The following FARSA variants were observed in gnomAD, a reference collection of about 807,000 sequenced individuals.
FARSA encodes the protein phenylalanine--tRNA ligase alpha subunit.
In FARSA, 37 loss-of-function variants were observed where a neutral mutation model predicts 63.2. The ratio of observed to expected loss-of-function variants is 0.59; its 90% CI spans 0.45 to 0.77. The LOEUF (loss-of-function observed/expected upper bound fraction) is 0.77, where lower values mean the gene tolerates loss of function less well. Among genes scored for constraint, FARSA ranks in the 30% least tolerant of loss-of-function variants. The pLI, the probability that FARSA is intolerant of heterozygous loss-of-function variation, is 0.00. For synonymous variants in FARSA, 312 were observed against 285.1 expected, an observed-to-expected ratio of 1.09 and a Z score of -0.95; for missense variants, 618 against 696.6, an observed-to-expected ratio of 0.89 and a Z score of 1.27.
At chr19:12,930,174 A>C in intron 4 of FARSA, 49 bp downstream of exon 4, 1 of 1,441,406 alleles carries the variant, frequency 6.9e-7, no homozygotes, top group South Asian at 1.2e-5. Flanking sequence ...TGCCTCCACC[A>C]TGCTTCGCAG....
chr19:12,930,170 C>T (rs1971374089), intron 4 of FARSA, 53 bp downstream of exon 4: 1 of 1,424,636 alleles, frequency 7.0e-7, no homozygotes, highest in Admixed American at 1.7e-5. Context: ...ACCATGCCTC[C>T]ACCATGCTTC....
At chr19:12,930,563 G>A in intron 2 of FARSA, 36 bp from the exon 3 acceptor site, 4 of 1,609,334 alleles carry the variant, frequency 2.5e-6, no homozygotes, top group Non-Finnish European at 2.5e-6. Context: ...GGGGCACGAG[G>A]GCCACCTTCA....
Position 12,932,407 on chromosome 19 carries a change from C to T in FARSA, c.147+1143G>A, listed in dbSNP as rs1375613706. 2.0e-5 allele frequency among the ~76,000 whole-genome samples: 3 copies of T among 152,132 alleles called. No homozygotes were observed. The South Asian group carries it at 6.2e-4, about 32-fold the overall frequency. ...ACCTCACCTCCTTATATTATTTAAC[C>T]CTCTGTGACGTATACAAATGTCAGA... On this transcript the variant is annotated intron_variant, in intron 1 of 12. Transcript: ENST00000314606.
intron 7 of FARSA, among the ~76,000 whole-genome samples, chr19:12,928,023 CAAAAAAAAAAA>C: frequency 1.4e-5 from 1 of 73,404 alleles, no homozygotes; most frequent in South Asian, 7.3e-4. Context: ...GACCCTGTCT[CAAAAAAAAAAA>C]AAAAAAAAAA....
chr19:12,928,949 T>C (rs1040360084), intron 4 of FARSA, 102 bp from the exon 5 acceptor site: 43 of 988,538 alleles, frequency 4.3e-5, no homozygotes, highest in South Asian at 1.1e-4. Context: ...ACCAAGTCAC[T>C]CTGCTTTATT....
At chr19:12,925,633 G>C (rs538753728) in intron 7 of FARSA, among the ~76,000 whole-genome samples, 4 of 151,868 alleles carry the variant, frequency 2.6e-5, no homozygotes, top group African/African-American at 7.2e-5. Context: ...TGGGATTACA[G>C]GCATGAGCCA....
At position 12,925,179 on chromosome 19, in the gene FARSA, G is replaced by A. The variant is rs1353649466; in HGVS notation, c.842-5C>T. 4.4e-6 allele frequency: 7 copies of A among 1,577,430 alleles called. No homozygotes were observed. The highest frequency in any genetic ancestry group is 3.5e-5 in the South Asian group (3 of 86,954). On this transcript the variant is annotated splice_region_variant and splice_polypyrimidine_tract_variant and intron_variant, in intron 7 of 12. Coordinates refer to ENST00000314606, the MANE Select transcript of FARSA (RefSeq NM_004461.3). Reference sequence around the variant, plus strand: ...GCTGCAGGGCCTCCGCTGGATCTGGGCAGGACAGAGCAACATCAGGTCAGT... The same window carrying A: ...GCTGCAGGGCCTCCGCTGGATCTGGACAGGACAGAGCAACATCAGGTCAGT...
At position 12,924,822 on chromosome 19, in the gene FARSA, C is replaced by T. The variant is rs750617542; in HGVS notation, c.1027-15G>A. On this transcript the variant is annotated splice_polypyrimidine_tract_variant and intron_variant, in intron 9 of 12. Coordinates refer to ENST00000314606, the MANE Select transcript of FARSA (RefSeq NM_004461.3). This position sits in a 1 kb window ranked among gnomAD's most constrained non-coding sequence, Gnocchi z 6.4. ...GTGAAGGGCTTCTAGGGGTGACAAC[C>T]GAGCCAGGCCCAGGTATGGGTCAGA... is the stretch of plus-strand genomic sequence containing the variant. The T allele has an allele frequency of 3.1e-6, 5 of 1,611,038 alleles. No homozygotes were observed. The highest frequency in any genetic ancestry group is 4.2e-6 in the Non-Finnish European group (5 of 1,177,890).
rs528650479 is a variant in FARSA at position 12,933,415 on chromosome 19, G to A, written c.147+135C>T. ...CCCTCACTCGTCCCACTTCCCGCCC[G>A]CACATCCCGGAGTGGACACATATAC... is the stretch of plus-strand genomic sequence containing the variant. On this transcript the variant is annotated intron_variant, in intron 1 of 12. Coordinates refer to ENST00000314606, the MANE Select transcript of FARSA (RefSeq NM_004461.3). The A allele has an allele frequency of 4.8e-6, 5 of 1,043,410 alleles. No individual in the cohort carries two copies. In the East Asian group the frequency reaches 1.5e-4, roughly 31 times the overall value. 64.6% of individuals were successfully genotyped at this position (1,043,410 alleles called of 1,614,324 possible). A position where few individuals can be genotyped will look rare whatever the true frequency, so the allele number is the denominator to read the frequency against.
intron 1 of FARSA, among the ~76,000 whole-genome samples, chr19:12,932,085 C>T (rs1971404299): frequency 7.0e-6 from 1 of 142,348 alleles, no homozygotes; most frequent in Non-Finnish European, 1.5e-5. Context: ...GTCGCCCAGG[C>T]TGGAGTGCGA....
intron 7 of FARSA, 152 bp from the exon 8 acceptor site, chr19:12,925,326 G>T (rs1029097699): frequency 6.2e-6 from 4 of 645,060 alleles, no homozygotes; most frequent in Non-Finnish European, 1.1e-5. Context: ...AGTGATTCTC[G>T]TGCCTCAGTT....
chr19:12,928,426 CA>C lies in FARSA; in HGVS notation c.756del (p.Ile252MetfsTer175). ...GCGTCAAAGTTCCAGAAGGAGCTCTCAATGAAGTTATCAGTCGGCATCTCGG... is the reference window on the plus strand; with the variant it reads ...GCGTCAAAGTTCCAGAAGGAGCTCTCATGAAGTTATCAGTCGGCATCTCGG... ...GFTEMPTDNF[I>X]ESSFWNFDAL... On this transcript the variant is annotated frameshift_variant, in exon 7 of 13. Transcript: ENST00000314606. LOFTEE classifies it high-confidence loss of function. The C allele has an allele frequency of 6.2e-7, 1 of 1,614,068 alleles. No homozygotes were observed. Among genetic ancestry groups the C allele is most frequent in the Non-Finnish European group, 8.5e-7 (1 of 1,180,002 alleles).
intron 4 of FARSA, 43 bp downstream of exon 4, chr19:12,930,180 C>G (rs182269315): frequency 1.4e-6 from 2 of 1,463,182 alleles, no homozygotes; most frequent in African/African-American, 2.8e-5. Flanking sequence ...CACCATGCTT[C>G]GCAGGTGGTG....
At chr19:12,929,659 G>A (rs1417725247) in intron 4 of FARSA, among the ~76,000 whole-genome samples, 4 of 152,192 alleles carry the variant, frequency 2.6e-5, no homozygotes, top group African/African-American at 4.8e-5. Flanking sequence ...ATAAGGAAAC[G>A]GAGACCAGCA....
chr19:12,928,748 C>T lies in FARSA; in HGVS notation c.596+7G>A. 1 of 1,614,152 alleles carries T rather than the reference C, an allele frequency of 6.2e-7. No individual in the cohort carries two copies. The highest frequency in any genetic ancestry group is 1.1e-5 in the South Asian group (1 of 91,080). Reference sequence around the variant, plus strand: ...CCACCTGCCCTGACCCTGGGGTTGCCTGCTACCTGGAGATCATCTCTGGGC... The same window carrying T: ...CCACCTGCCCTGACCCTGGGGTTGCTTGCTACCTGGAGATCATCTCTGGGC... On this transcript the variant is annotated splice_region_variant and intron_variant, in intron 5 of 12. Transcript: ENST00000314606.
intron 12 of FARSA, among the ~76,000 whole-genome samples, chr19:12,923,802 G>A (rs983093423): frequency 1.3e-5 from 2 of 151,976 alleles, no homozygotes; most frequent in Non-Finnish European, 2.9e-5. Context: ...TTGTAGAGGC[G>A]GAGACTTGCT....
intron 4 of FARSA, 149 bp from the exon 5 acceptor site, chr19:12,928,996 A>C: frequency 1.4e-6 from 1 of 706,678 alleles, no homozygotes; most frequent in Non-Finnish European, 2.5e-6. Flanking sequence ...AAATCCTCCT[A>C]TGTGACCATG....
chr19:12,930,204 G>T lies in FARSA; in HGVS notation c.503+19C>A. 6.3e-7 allele frequency: 1 copy of T among 1,595,994 alleles called. No homozygotes were observed. ...TCGCAGGTGGTGGGGGCCTGAGCCT[G>T]CAGGGGGCACCCACTCACACTTCAG... On this transcript the variant is annotated intron_variant, in intron 4 of 12. Coordinates refer to ENST00000314606, the MANE Select transcript of FARSA (RefSeq NM_004461.3).
intron 1 of FARSA, chr19:12,933,197 A>C: frequency 3.5e-6 from 1 of 287,282 alleles, no homozygotes; most frequent in Non-Finnish European, 6.7e-6. Flanking sequence ...CCTGACCCCC[A>C]AGGCTGGGTC....
Sources: gnomAD v4.1 joint callset for allele counts (sites outside exome capture counted in the v4.1 genomes callset) on GRCh38, gnomAD v4.1.1 for gene constraint, Gnocchi (gnomAD v3.1) non-coding constraint, MANE v1.5 for transcripts, NCBI Gene and HGNC (gene_info 2026-07-23, HGNC 2026-07-21) for gene names.